VAV2: variants seen among roughly 807,000 people sequenced by gnomAD.
VAV2 encodes vav guanine nucleotide exchange factor 2.
In VAV2, 67 loss-of-function variants were observed where a neutral mutation model predicts 132.5. The observed-to-expected ratio is 0.51, with a 90% CI of 0.42 to 0.62. VAV2 has a LOEUF of 0.62. Ranked by LOEUF, VAV2 falls within the 20% of genes least tolerant of loss-of-function variation. The probability of loss-of-function intolerance (pLI) is 0.00; values close to 1 mark genes in which losing one functional copy is unlikely to be tolerated. For missense variants in VAV2, 938 were observed against 1,153.6 expected (o/e 0.81, Z 2.71); for synonymous variants, 492 against 443.5 (o/e 1.11, Z -1.37).
At chr9:133,911,866 C>T (rs554561246) in intron 2 of VAV2, among the ~76,000 whole-genome samples, 6 of 152,368 alleles carry the variant, frequency 3.9e-5, no homozygotes, top group Admixed American at 1.3e-4. Context: ...CCCACTCTCA[C>T]GTGGCCCAGA....
intron 2 of VAV2, among the ~76,000 whole-genome samples, chr9:133,933,952 G>GATGGTGGATGGATGGATGGA (rs57228303): frequency 7.7e-6 from 1 of 130,044 alleles, no homozygotes; most frequent in African/African-American, 3.2e-5. Flanking sequence ...TGGATGGATG[G>GATGGTGGATGGATGGATGGA]TGGATGGATG....
chr9:133,876,523 GCC>G (rs1384339284), intron 2 of VAV2, among the ~76,000 whole-genome samples: 1 of 152,266 alleles, frequency 6.6e-6, no homozygotes, highest in Non-Finnish European at 1.5e-5. Flanking sequence ...AGCGGCCATG[GCC>G]ACACAGGGGA....
chr9:133,940,435 A>C (rs993644073), intron 1 of VAV2, among the ~76,000 whole-genome samples: 5 of 152,204 alleles, frequency 3.3e-5, no homozygotes, highest in Admixed American at 2.6e-4. Context: ...GACATAGTGC[A>C]CGTCAGAATC....
At position 133,785,891 on chromosome 9, in the gene VAV2, G is replaced by C. The variant is rs1588171314; in HGVS notation, c.1423-6C>G. On this transcript the variant is annotated splice_region_variant and splice_polypyrimidine_tract_variant and intron_variant, in intron 16 of 29. Transcript: ENST00000371850. ...AGGTAGAAGCCGTAGGACCACTGCAGGGGGGAGAGGGGCCATGCTTGCAAT... is the reference window on the plus strand; with the variant it reads ...AGGTAGAAGCCGTAGGACCACTGCACGGGGGAGAGGGGCCATGCTTGCAAT... The C allele has an allele frequency of 1.2e-6, 2 of 1,611,178 alleles. No individual in the cohort carries two copies. Among genetic ancestry groups the C allele is most frequent in the Non-Finnish European group, 1.7e-6 (2 of 1,178,238 alleles).
chr9:133,844,882 C>T (rs1037543141), intron 3 of VAV2, among the ~76,000 whole-genome samples: 2 of 152,240 alleles, frequency 1.3e-5, no homozygotes, highest in African/African-American at 4.8e-5. Flanking sequence ...TCTCTGTGCC[C>T]GACGGTGCCC....
intron 3 of VAV2, among the ~76,000 whole-genome samples, chr9:133,847,499 G>A (rs1326560494): frequency 1.3e-5 from 2 of 152,176 alleles, no homozygotes; most frequent in South Asian, 2.1e-4. Flanking sequence ...GCATGAGGCT[G>A]GTTTTCTCAG....
At position 133,896,876 on chromosome 9, in the gene VAV2, C is replaced by T. The variant is rs555549305; in HGVS notation, c.322-35444G>A. On this transcript the variant is annotated intron_variant, in intron 2 of 29. Transcript: ENST00000371850. Reference sequence around the variant, plus strand: ...TTGGGAGGCCGAGGCGGGCGGATCACGAGATCAGGAGATCAAGACCATCCT... The same window carrying T: ...TTGGGAGGCCGAGGCGGGCGGATCATGAGATCAGGAGATCAAGACCATCCT... 4.6e-5 allele frequency among the ~76,000 whole-genome samples: 7 copies of T among 152,222 alleles called. No individual in the cohort carries two copies. The East Asian group carries it at 1.2e-3, about 25-fold the overall frequency.
Position 133,918,295 on chromosome 9 carries a change from C to T in VAV2, c.321+20808G>A, listed in dbSNP as rs1198589358. Among the ~76,000 whole-genome samples the T allele has an allele frequency of 6.6e-6, 1 of 151,866 alleles. No homozygotes were observed. The highest frequency in any genetic ancestry group is 1.9e-4 in the East Asian group (1 of 5,154). On this transcript the variant is annotated intron_variant, in intron 2 of 29. Transcript: ENST00000371850. The surrounding 1 kb of genome is among the most constrained non-coding windows in gnomAD (Gnocchi z 4.7). ...CGCACTCTCTGCGGCGGCAGAAAAG[C>T]GAACCAGAGAGCAGGAAGGCGGCGC...
chr9:133,957,669 T>A (rs557078600), intron 1 of VAV2, among the ~76,000 whole-genome samples: 15 of 152,152 alleles, frequency 9.9e-5, no homozygotes, highest in Non-Finnish European at 1.3e-4. Flanking sequence ...GCTGTCACCG[T>A]CACAGCTGGC....
chr9:133,864,405 A>C (rs1182868000), intron 2 of VAV2, among the ~76,000 whole-genome samples: 1 of 152,132 alleles, frequency 6.6e-6, no homozygotes, highest in Non-Finnish European at 1.5e-5. Flanking sequence ...GCTTGGTGAG[A>C]CTCACTGAGG....
At chr9:133,874,865 T>C (rs1043062657) in intron 2 of VAV2, among the ~76,000 whole-genome samples, 13 of 151,964 alleles carry the variant, frequency 8.6e-5, no homozygotes, top group Non-Finnish European at 1.9e-4. Context: ...AAGTGGGGCG[T>C]GGAGGCCTCA....
chr9:133,916,371 G>A (rs1052619609), intron 2 of VAV2, among the ~76,000 whole-genome samples: 11 of 152,230 alleles, frequency 7.2e-5, no homozygotes, highest in Non-Finnish European at 1.2e-4. Flanking sequence ...TTCTCTCCAC[G>A]GGATAAAGCC....
intron 2 of VAV2, among the ~76,000 whole-genome samples, chr9:133,905,726 G>C (rs1156320479): frequency 6.6e-6 from 1 of 152,002 alleles, no homozygotes; most frequent in African/African-American, 2.4e-5. Context: ...TGGATCACTG[G>C]GGCTGCAGCA....
At chr9:133,963,940 A>T (rs1842042462) in intron 1 of VAV2, among the ~76,000 whole-genome samples, 1 of 151,114 alleles carries the variant, frequency 6.6e-6, no homozygotes, top group South Asian at 2.1e-4. Flanking sequence ...TGTAAATCAA[A>T]CAGGAGTGAC....
At chr9:133,867,001 G>T (rs1837830780) in intron 2 of VAV2, among the ~76,000 whole-genome samples, 1 of 152,108 alleles carries the variant, frequency 6.6e-6, no homozygotes, top group Admixed American at 6.5e-5. Flanking sequence ...GCCTCCCTGA[G>T]CCTGTTTCCT....
intron 25 of VAV2, 52 bp from the exon 26 acceptor site, chr9:133,772,098 G>C: frequency 1.3e-6 from 2 of 1,484,834 alleles, no homozygotes; most frequent in Non-Finnish European, 1.9e-6. Flanking sequence ...ACACGGCCCC[G>C]GCCCCCTTGG....
Position 133,859,649 on chromosome 9 carries a change from A to C in VAV2, c.380+1725T>G, listed in dbSNP as rs367595339. ...AAAAACAAAACAAAACAAAACAAAA[A>C]AAAAACAGGCTGGGGAGTATAACCA... On this transcript the variant is annotated intron_variant, in intron 3 of 29. Coordinates refer to ENST00000371850, the MANE Select transcript of VAV2 (RefSeq NM_001134398.2). Among the ~76,000 whole-genome samples the C allele has an allele frequency of 2.4e-3, 367 of 152,300 alleles. 2 individuals carry two copies. The South Asian group carries it at 0.029, about 12-fold the overall frequency.
chr9:133,980,591 C>T (rs957709800), intron 1 of VAV2, among the ~76,000 whole-genome samples: 15 of 152,200 alleles, frequency 9.9e-5, no homozygotes, highest in Non-Finnish European at 1.5e-5. Flanking sequence ...CCTTCTATCA[C>T]GCATCTCCCT....
Position 133,863,418 on chromosome 9 carries a change from C to T in VAV2, c.322-1986G>A, listed in dbSNP as rs1338826797. Reference sequence around the variant, plus strand: ...TCAGCGCAAAGGCCCCAGGTCGGGTCGTACAGATGGAACCGGGTCGTACAG... The same window carrying T: ...TCAGCGCAAAGGCCCCAGGTCGGGTTGTACAGATGGAACCGGGTCGTACAG... On this transcript the variant is annotated intron_variant, in intron 2 of 29. Coordinates refer to ENST00000371850, the MANE Select transcript of VAV2 (RefSeq NM_001134398.2). The surrounding 1 kb of genome is among the most constrained non-coding windows in gnomAD (Gnocchi z 5.0). Among the ~76,000 whole-genome samples, 1 of 138,918 alleles carries T rather than the reference C, an allele frequency of 7.2e-6. No homozygotes were observed. The highest frequency in any genetic ancestry group is 1.5e-5 in the Non-Finnish European group (1 of 67,376). The allele number at this position is 138,918 out of a possible 152,430, so 91.1% of individuals were successfully genotyped here. A position where few individuals can be genotyped will look rare whatever the true frequency, so the allele number is the denominator to read the frequency against.
Sources: gnomAD v4.1 joint callset for allele counts (sites outside exome capture counted in the v4.1 genomes callset) on GRCh38, gnomAD v4.1.1 for gene constraint, Gnocchi (gnomAD v3.1) non-coding constraint, MANE v1.5 for transcripts, NCBI Gene and HGNC (gene_info 2026-07-23, HGNC 2026-07-21) for gene names.